Variants in OXR1 observed in about 807,000 individuals in gnomAD.
The protein encoded by OXR1 is oxidation resistance 1.
OXR1 carries 41 observed loss-of-function variants against 104.6 expected under a neutral mutation model. The ratio of observed to expected loss-of-function variants is 0.39; its 90% CI spans 0.31 to 0.51. OXR1 has a LOEUF of 0.51. Ranked by LOEUF, OXR1 falls within the 20% of genes least tolerant of loss-of-function variation. The pLI, the probability that OXR1 is intolerant of heterozygous loss-of-function variation, is 0.77. For missense variants in OXR1, 955 were observed against 1,031.9 expected, an observed-to-expected ratio of 0.93 and a Z score of 1.02; for synonymous variants, 348 against 348.4, an observed-to-expected ratio of 1.00 and a Z score of 0.01.
intron 7 of OXR1, among the ~76,000 whole-genome samples, chr8:106,694,641 TTA>T (rs533840734): frequency 0.087 from 3,332 of 38,166 alleles, 308 homozygotes; most frequent in African/African-American, 0.15. Context: ...AAATATATGT[TTA>T]TATATATTTG....
chr8:106,572,512 A>T (rs1010604631), intron 3 of OXR1, among the ~76,000 whole-genome samples: 1 of 152,152 alleles, frequency 6.6e-6, no homozygotes, highest in East Asian at 1.9e-4. Context: ...CTCTTCTTGC[A>T]TTTTACTGTT....
chr8:106,313,754 G>T (rs756359532), intron 1 of OXR1, among the ~76,000 whole-genome samples: 6 of 152,100 alleles, frequency 3.9e-5, no homozygotes, highest in Admixed American at 2.6e-4. Flanking sequence ...AACTAAAACA[G>T]TTCATGTAGG....
At chr8:106,542,375 G>C (rs1815023625) in intron 3 of OXR1, among the ~76,000 whole-genome samples, 1 of 152,150 alleles carries the variant, frequency 6.6e-6, no homozygotes, top group African/African-American at 2.4e-5. Context: ...CCTACACCTA[G>C]ATGGATTTTT....
At chr8:106,557,854 G>A (rs955267449) in intron 3 of OXR1, among the ~76,000 whole-genome samples, 1 of 152,018 alleles carries the variant, frequency 6.6e-6, no homozygotes, top group African/African-American at 2.4e-5. Context: ...TGTTCCTTTT[G>A]TTTTTATTTT....
intron 16 of OXR1, among the ~76,000 whole-genome samples, chr8:106,749,342 C>CAAAA: frequency 1.2e-5 from 1 of 84,346 alleles, no homozygotes; most frequent in Non-Finnish European, 2.5e-5. Context: ...GACTCTGTCT[C>CAAAA]AAAAAAAAAA....
intron 3 of OXR1, among the ~76,000 whole-genome samples, chr8:106,594,900 G>A (rs191589441): frequency 1.6e-3 from 236 of 152,062 alleles, no homozygotes; most frequent in Non-Finnish European, 2.2e-3. Flanking sequence ...GTTGGAACTG[G>A]AAAGTATCAG....
At chr8:106,690,206 T>C (rs993145955) in intron 6 of OXR1, among the ~76,000 whole-genome samples, 3 of 150,776 alleles carry the variant, frequency 2.0e-5, no homozygotes, top group African/African-American at 7.3e-5. Context: ...ATATAACTTA[T>C]ATATTAAATG....
chr8:106,699,185 A>G (rs1252141274), intron 7 of OXR1, among the ~76,000 whole-genome samples: 1 of 151,888 alleles, frequency 6.6e-6, no homozygotes, highest in East Asian at 1.9e-4. Flanking sequence ...TTTTGCTTTA[A>G]TGTTTAGTGA....
At chr8:106,342,440 A>T (rs1331992764) in intron 1 of OXR1, among the ~76,000 whole-genome samples, 1 of 151,590 alleles carries the variant, frequency 6.6e-6, no homozygotes, top group Non-Finnish European at 1.5e-5. Flanking sequence ...ATTTTAGTAG[A>T]GATGGGGTTT....
chr8:106,423,368 A>T (rs560297497), intron 2 of OXR1, among the ~76,000 whole-genome samples: 1 of 152,302 alleles, frequency 6.6e-6, no homozygotes, highest in South Asian at 2.1e-4. Context: ...TTATCAGTGC[A>T]GCAGTCCCAG....
chr8:106,740,998 A>C (rs1338012128), intron 14 of OXR1, among the ~76,000 whole-genome samples: 1 of 152,108 alleles, frequency 6.6e-6, no homozygotes, highest in Non-Finnish European at 1.5e-5. Flanking sequence ...TTAGAACAAA[A>C]CACTGGTATT....
At chr8:106,448,158 C>A (rs1350091229) in intron 2 of OXR1, 20 of 1,290,950 alleles carry the variant, frequency 1.5e-5, no homozygotes, top group African/African-American at 3.0e-5. Context: ...AGTGAGAAAT[C>A]AAATCTTTGT....
chr8:106,500,582 C>T lies in OXR1; in HGVS notation c.24-18361C>T, dbSNP rs76188754. On this transcript the variant is annotated intron_variant, in intron 2 of 16. Coordinates refer to ENST00000517566, the MANE Select transcript of OXR1 (RefSeq NM_001198533.2). ...CTCGGATTTTAAGGCAGTAGCTTGACGATGCTCCCAGCTGAATAAAGCCCT... is the reference window on the plus strand; with the variant it reads ...CTCGGATTTTAAGGCAGTAGCTTGATGATGCTCCCAGCTGAATAAAGCCCT... Among the ~76,000 whole-genome samples, 311 of 151,824 alleles carry T rather than the reference C, an allele frequency of 2.0e-3. 4 individuals are homozygous for T. In the East Asian group the frequency reaches 0.049, roughly 24 times the overall value.
At chr8:106,382,690 T>TA (rs1170055862) in intron 2 of OXR1, among the ~76,000 whole-genome samples, 1 of 137,344 alleles carries the variant, frequency 7.3e-6, no homozygotes. Flanking sequence ...AGGTTTTTTT[T>TA]TTTTTTTTTT....
At chr8:106,485,885 G>A (rs1308867288) in intron 2 of OXR1, among the ~76,000 whole-genome samples, 1 of 149,704 alleles carries the variant, frequency 6.7e-6, no homozygotes. Context: ...CAGTGTCACT[G>A]ATATGTGGAA....
At chr8:106,391,233 T>C (rs1366807381) in intron 2 of OXR1, among the ~76,000 whole-genome samples, 1 of 152,152 alleles carries the variant, frequency 6.6e-6, no homozygotes, top group East Asian at 1.9e-4. Context: ...TATTTGCCAT[T>C]TTTTCACAAC....
chr8:106,483,952 G>T (rs963790418), intron 2 of OXR1, among the ~76,000 whole-genome samples: 7 of 152,038 alleles, frequency 4.6e-5, no homozygotes, highest in Non-Finnish European at 8.8e-5. Flanking sequence ...TGAATCACTT[G>T]TTAGTCTCTC....
chr8:106,278,924 A>G lies in OXR1; in HGVS notation c.-139+8557A>G, dbSNP rs150412637. Among the ~76,000 whole-genome samples, 15 of 152,276 alleles carry G rather than the reference A, an allele frequency of 9.9e-5. No homozygotes were observed. In the East Asian group the frequency reaches 2.5e-3, roughly 25 times the overall value. The stretch of plus-strand genomic sequence containing the variant: ...GTAGTCTGCTTGTGGTAAGTATGTC[A>G]GTGTAGCAATTGGTTTTTCCATATG... On this transcript the variant is annotated intron_variant, in intron 1 of 16. Coordinates refer to ENST00000517566, the MANE Select transcript of OXR1 (RefSeq NM_001198533.2).
At chr8:106,467,956 A>G (rs1361359563) in intron 2 of OXR1, among the ~76,000 whole-genome samples, 3 of 151,864 alleles carry the variant, frequency 2.0e-5, no homozygotes, top group Non-Finnish European at 4.4e-5. Context: ...AAATTAGGTT[A>G]AAGTATGAGG....
Sources: gnomAD v4.1 joint callset for allele counts (sites outside exome capture counted in the v4.1 genomes callset) on GRCh38, gnomAD v4.1.1 for gene constraint, MANE v1.5 for transcripts, NCBI Gene and HGNC (gene_info 2026-07-23, HGNC 2026-07-21) for gene names.